LRRC4C: variants seen among roughly 807,000 people sequenced by gnomAD.
The protein encoded by LRRC4C is leucine rich repeat containing 4C.
Under a neutral mutation model 33.6 loss-of-function variants are expected in LRRC4C, and 5 were observed. The ratio of observed to expected loss-of-function variants is 0.15; its 90% confidence interval spans 0.08 to 0.31. The LOEUF (loss-of-function observed/expected upper bound fraction) is 0.31, where lower values mean the gene tolerates loss of function less well. LRRC4C is among the 10% of genes least tolerant of loss of function. LRRC4C has a pLI of 1.00. For missense variants in LRRC4C, 560 were observed against 796.7 expected, an observed-to-expected ratio of 0.70 and a Z score of 3.58; for synonymous variants, 329 against 302.0, an observed-to-expected ratio of 1.09 and a Z score of -0.93.
At chr11:40,622,682 G>T (rs1962567829) in intron 3 of LRRC4C, among the ~76,000 whole-genome samples, 1 of 151,794 alleles carries the variant, frequency 6.6e-6, no homozygotes, top group African/African-American at 2.4e-5. Context: ...TGCTAAAGGA[G>T]GAAGCAGTAC....
chr11:40,215,332 C>A (rs1277993849), intron 5 of LRRC4C, among the ~76,000 whole-genome samples: 1 of 152,128 alleles, frequency 6.6e-6, no homozygotes, highest in Non-Finnish European at 1.5e-5. Flanking sequence ...GCAAAGTTTC[C>A]TGAACGCTGT....
chr11:41,176,199 T>C (rs1443905286), intron 1 of LRRC4C, among the ~76,000 whole-genome samples: 2 of 152,198 alleles, frequency 1.3e-5, no homozygotes, highest in African/African-American at 4.8e-5. Context: ...AAATATATGA[T>C]ATTTCTTCAC....
intron 4 of LRRC4C, among the ~76,000 whole-genome samples, chr11:40,310,062 T>C (rs1945227621): frequency 6.6e-6 from 1 of 151,834 alleles, no homozygotes; most frequent in Admixed American, 6.6e-5. Flanking sequence ...CTTGGGAGAG[T>C]CATTTAAGTC....
In LRRC4C at chr11:41,304,143, C is replaced by T. The variant is rs1231630925; in HGVS notation, c.-496+155288G>A. Among the ~76,000 whole-genome samples the T allele has an allele frequency of 3.7e-3, 330 of 90,008 alleles. 4 individuals carry two copies. Among genetic ancestry groups the T allele is most frequent in the African/African-American group, 9.8e-3 (321 of 32,810 alleles). 59.0% of individuals were successfully genotyped at this position (90,008 alleles called of 152,430 possible). The stretch of plus-strand genomic sequence containing the variant: ...CTGGGAAGTGAGGAGCCCCTCAGCC[C>T]GGCCAGCCGCCCCGTCCGGGAGGGA... On this transcript the variant is annotated intron_variant, in intron 1 of 6. Coordinates refer to ENST00000528697, the MANE Select transcript of LRRC4C (RefSeq NM_001258419.2).
At chr11:40,665,325 A>AATATAT (rs1160594156) in intron 2 of LRRC4C, among the ~76,000 whole-genome samples, 150 of 13,244 alleles carry the variant, frequency 0.011, 1 homozygote, top group Non-Finnish European at 0.015. Flanking sequence ...AAAAAAAAAA[A>AATATAT]ATATATATAT....
chr11:40,299,903 T>G (rs1944687909), intron 4 of LRRC4C, among the ~76,000 whole-genome samples: 1 of 152,158 alleles, frequency 6.6e-6, no homozygotes, highest in Non-Finnish European at 1.5e-5. Context: ...CCAAGAGGAT[T>G]TCACAAATAG....
At chr11:40,273,165 T>C (rs561661707) in intron 4 of LRRC4C, among the ~76,000 whole-genome samples, 1 of 152,174 alleles carries the variant, frequency 6.6e-6, no homozygotes, top group African/African-American at 2.4e-5. Flanking sequence ...ATACGCAGTA[T>C]GTATCAAAGA....
At chr11:40,893,303 CT>C (rs1012040670) in intron 2 of LRRC4C, among the ~76,000 whole-genome samples, 1 of 151,892 alleles carries the variant, frequency 6.6e-6, no homozygotes, top group African/African-American at 2.4e-5. Context: ...TGAATACCAT[CT>C]AGTATTTCAT....
intron 3 of LRRC4C, among the ~76,000 whole-genome samples, chr11:40,640,292 T>C (rs1942029278): frequency 6.6e-6 from 1 of 152,220 alleles, no homozygotes; most frequent in African/African-American, 2.4e-5. Flanking sequence ...TTTTTATCTT[T>C]GAACTAACTT....
chr11:41,021,204 A>T (rs866838776), intron 1 of LRRC4C, among the ~76,000 whole-genome samples: 17,971 of 46,118 alleles, frequency 0.39, 1,676 homozygotes, highest in South Asian at 0.44. Flanking sequence ...AGAGAGAGAG[A>T]GAGAGAGAGA....
intron 1 of LRRC4C, among the ~76,000 whole-genome samples, chr11:41,227,739 C>T (rs1051890035): frequency 6.6e-6 from 1 of 152,020 alleles, no homozygotes; most frequent in African/African-American, 2.4e-5. Context: ...CTTTGCATTC[C>T]TTCCCAATTT....
chr11:41,115,452 C>A (rs1942066992), intron 1 of LRRC4C, among the ~76,000 whole-genome samples: 1 of 151,416 alleles, frequency 6.6e-6, no homozygotes, highest in Non-Finnish European at 1.5e-5. Flanking sequence ...TGGAGTCAAC[C>A]AAAACAAAAA....
At chr11:40,507,922 T>C (rs1955118340) in intron 3 of LRRC4C, among the ~76,000 whole-genome samples, 1 of 151,956 alleles carries the variant, frequency 6.6e-6, no homozygotes. Flanking sequence ...GTATTTTTAA[T>C]AGAGAGGAGT....
chr11:40,444,070 G>A (rs552191562), intron 3 of LRRC4C, among the ~76,000 whole-genome samples: 5 of 152,256 alleles, frequency 3.3e-5, no homozygotes, highest in African/African-American at 1.2e-4. Flanking sequence ...GGGATAAAAG[G>A]ATGAATAATA....
chr11:41,430,350 T>C (rs1459735002), intron 1 of LRRC4C, among the ~76,000 whole-genome samples: 2 of 152,180 alleles, frequency 1.3e-5, no homozygotes, highest in African/African-American at 2.4e-5. Context: ...TGCTTCTCCT[T>C]AGGTTTTTTC....
chr11:40,450,775 TAAAA>T (rs768633791), intron 3 of LRRC4C, among the ~76,000 whole-genome samples: 1 of 129,120 alleles, frequency 7.7e-6, no homozygotes, highest in African/African-American at 2.8e-5. Flanking sequence ...CCCTGAAAAT[TAAAA>T]AAAAAAAAAA....
At chr11:40,793,194 G>C (rs1020293261) in intron 2 of LRRC4C, among the ~76,000 whole-genome samples, 7 of 151,956 alleles carry the variant, frequency 4.6e-5, no homozygotes, top group Non-Finnish European at 1.0e-4. Context: ...AAGAGTCAAT[G>C]AAAAATGCCC....
At chr11:40,532,833 G>A (rs1312515015) in intron 3 of LRRC4C, among the ~76,000 whole-genome samples, 1 of 152,078 alleles carries the variant, frequency 6.6e-6, no homozygotes, top group Non-Finnish European at 1.5e-5. Context: ...AAGGAAAGAG[G>A]TTTAACTGAC....
intron 1 of LRRC4C, among the ~76,000 whole-genome samples, chr11:41,180,144 A>G (rs1391329242): frequency 6.6e-6 from 1 of 152,204 alleles, no homozygotes; most frequent in Non-Finnish European, 1.5e-5. Flanking sequence ...TAAAAACACA[A>G]GCAAACTTCC....
Sources: gnomAD v4.1 joint callset for allele counts (sites outside exome capture counted in the v4.1 genomes callset) on GRCh38, gnomAD v4.1.1 for gene constraint, MANE v1.5 for transcripts, NCBI Gene and HGNC (gene_info 2026-07-23, HGNC 2026-07-21) for gene names.